Variants in MAF observed in about 807,000 individuals in gnomAD.
MAF encodes the protein transcription factor Maf.
MAF carries 10 observed loss-of-function variants against 22.0 expected under a neutral mutation model. That is an observed-to-expected ratio of 0.45 (90% CI 0.28 to 0.77). The LOEUF is 0.77. MAF is among the 30% of genes least tolerant of loss of function. MAF has a pLI of 0.12. For missense variants in MAF, 544 were observed against 548.4 expected (o/e 0.99, Z 0.08); for synonymous variants, 337 against 255.8 (o/e 1.32, Z -3.03).
At chr16:79,320,432 G>A in the MAF span, among the ~76,000 whole-genome samples, 1 of 152,198 alleles carries the variant, frequency 6.6e-6, no homozygotes, top group African/African-American at 2.4e-5. Flanking sequence ...GCAGAGTGGG[G>A]ATGCCGTTGG....
At chr16:79,426,580 C>G in the MAF span, among the ~76,000 whole-genome samples, 1 of 152,188 alleles carries the variant, frequency 6.6e-6, no homozygotes, top group South Asian at 2.1e-4. Context: ...CAGCCAGCTA[C>G]AGAGTCAAGT....
chr16:79,209,334 T>G, the MAF span, among the ~76,000 whole-genome samples: 1 of 152,080 alleles, frequency 6.6e-6, no homozygotes, highest in Non-Finnish European at 1.5e-5. Context: ...AATGCAAGAG[T>G]GCAACGTGGT....
At chr16:79,255,543 T>C in the MAF span, among the ~76,000 whole-genome samples, 1 of 152,226 alleles carries the variant, frequency 6.6e-6, no homozygotes, top group Non-Finnish European at 1.5e-5. Flanking sequence ...ACACATTTGC[T>C]TTACTGCCAG....
the MAF span, among the ~76,000 whole-genome samples, chr16:79,289,406 G>C: frequency 6.6e-6 from 1 of 152,186 alleles, no homozygotes; most frequent in East Asian, 1.9e-4. Flanking sequence ...GAATTGTGAA[G>C]GGGGACACCT....
the MAF span, among the ~76,000 whole-genome samples, chr16:79,214,167 T>G: frequency 6.6e-6 from 1 of 152,120 alleles, no homozygotes; most frequent in Admixed American, 6.5e-5. Flanking sequence ...TCCCCTCTAT[T>G]TTTTCTCCAC....
the MAF span, among the ~76,000 whole-genome samples, chr16:79,358,854 A>G: frequency 2.0e-5 from 3 of 152,168 alleles, no homozygotes; most frequent in East Asian, 5.8e-4. Context: ...AGGTAGGCCA[A>G]CAGGATGCTG....
chr16:79,471,569 A>C, the MAF span, among the ~76,000 whole-genome samples: 16,809 of 152,206 alleles, frequency 0.11, 1,192 homozygotes, highest in Admixed American at 0.15. Flanking sequence ...TCCAGGTGCT[A>C]GGGCGGCTGA....
chr16:79,509,918 A>G, the MAF span, among the ~76,000 whole-genome samples: 6 of 152,204 alleles, frequency 3.9e-5, no homozygotes, highest in African/African-American at 1.2e-4. Flanking sequence ...TTGAAAGGGA[A>G]TATCAGAAAA....
chr16:79,211,230 C>T, the MAF span, among the ~76,000 whole-genome samples: 18 of 152,242 alleles, frequency 1.2e-4, no homozygotes, highest in Admixed American at 7.8e-4. Flanking sequence ...TATCGAATTA[C>T]ATTATACATG....
At chr16:79,283,273 T>A in the MAF span, among the ~76,000 whole-genome samples, 1 of 152,212 alleles carries the variant, frequency 6.6e-6, no homozygotes, top group Non-Finnish European at 1.5e-5. Context: ...AAACCATCTT[T>A]CTAGAAAAGC....
chr16:79,291,413 T>C, the MAF span, among the ~76,000 whole-genome samples: 1 of 152,128 alleles, frequency 6.6e-6, no homozygotes, highest in Non-Finnish European at 1.5e-5. Flanking sequence ...TCTGCCCAGA[T>C]CTCCTGCTTT....
At chr16:79,560,532 A>G in the MAF span, among the ~76,000 whole-genome samples, 2 of 152,200 alleles carry the variant, frequency 1.3e-5, no homozygotes, top group Admixed American at 1.3e-4. Flanking sequence ...TGGTTTGCTG[A>G]CTACTTCAAG....
At chr16:79,436,685 C>G in the MAF span, among the ~76,000 whole-genome samples, 3 of 152,152 alleles carry the variant, frequency 2.0e-5, no homozygotes, top group East Asian at 1.9e-4. Flanking sequence ...AAAGGGAGAC[C>G]CTTGGGCTAA....
chr16:79,242,690 T>C, the MAF span, among the ~76,000 whole-genome samples: 1 of 152,056 alleles, frequency 6.6e-6, no homozygotes, highest in Non-Finnish European at 1.5e-5. Context: ...AACTCAGCTC[T>C]GGACCAAGCA....
At chr16:79,281,082 A>G in the MAF span, among the ~76,000 whole-genome samples, 4 of 152,216 alleles carry the variant, frequency 2.6e-5, no homozygotes, top group African/African-American at 9.6e-5. Flanking sequence ...GAGGAAGAGG[A>G]AGAAGAGACG....
the MAF span, among the ~76,000 whole-genome samples, chr16:79,547,628 C>G: frequency 3.9e-5 from 6 of 152,274 alleles, no homozygotes; most frequent in African/African-American, 1.2e-4. Context: ...ATAGTTCCCT[C>G]TGGAATTGAT....
the MAF span, among the ~76,000 whole-genome samples, chr16:79,391,216 G>T: frequency 2.0e-5 from 3 of 152,228 alleles, no homozygotes; most frequent in African/African-American, 7.2e-5. Context: ...TCTGCACCCT[G>T]GTTCCCTCAT....
At chr16:79,439,606 A>G in the MAF span, among the ~76,000 whole-genome samples, 1 of 152,168 alleles carries the variant, frequency 6.6e-6, no homozygotes, top group Non-Finnish European at 1.5e-5. Flanking sequence ...ATAAGAAAAC[A>G]AAGGTTCCAA....
At chr16:79,382,852 G>C in the MAF span, among the ~76,000 whole-genome samples, 1 of 152,212 alleles carries the variant, frequency 6.6e-6, no homozygotes, top group Non-Finnish European at 1.5e-5. Flanking sequence ...CACGAATTAG[G>C]TGATGGGATG....
Sources: allele counts gnomAD v4.1 joint callset (sites outside exome capture counted in the v4.1 genomes callset), GRCh38; gene constraint gnomAD v4.1.1; transcripts MANE v1.5; gene names NCBI Gene and HGNC (gene_info 2026-07-23, HGNC 2026-07-21).